The following DCAF8L2 variants were observed in gnomAD, a reference collection of about 807,000 sequenced individuals.
DCAF8L2 encodes the protein DDB1 and CUL4 associated factor 8 like 2, also known as DDB1- and CUL4-associated factor 8-like protein 2.
For missense variants in DCAF8L2, 430 were observed against 490.7 expected (o/e 0.88, Z 1.17); for synonymous variants, 200 against 190.9 (o/e 1.05, Z -0.39).
chrX:27,519,453 CA>C, the DCAF8L2 span: 5 of 1,120,013 alleles, frequency 4.5e-6, no homozygotes, highest in Non-Finnish European at 6.1e-6. Flanking sequence ...TAGAAGAAGC[CA>C]AGAAGAAAAA....
chrX:27,518,382 A>G, the DCAF8L2 span: 2 of 788,384 alleles, frequency 2.5e-6, no homozygotes, highest in African/African-American at 2.0e-5. Context: ...GGAGGATTCT[A>G]TGATGGAAAA....
chrX:27,738,037 A>C (rs1241594127), intron 4 of DCAF8L2, among the ~76,000 whole-genome samples: 1 of 111,696 alleles, frequency 9.0e-6, no homozygotes, highest in East Asian at 2.8e-4. Context: ...CCACCAAGGC[A>C]ATCAGATTAA....
the DCAF8L2 span, among the ~76,000 whole-genome samples, chrX:27,573,327 CAG>C: frequency 2.7e-5 from 3 of 109,157 alleles, no homozygotes; most frequent in Non-Finnish European, 5.7e-5. Flanking sequence ...GTGACAGTGA[CAG>C]GGGACAGTTG....
chrX:27,691,934 G>T (rs1930727458), intron 3 of DCAF8L2, among the ~76,000 whole-genome samples: 1 of 112,025 alleles, frequency 8.9e-6, no homozygotes, highest in Non-Finnish European at 1.9e-5. Flanking sequence ...CAAGGATTTA[G>T]ATTCGAGTTT....
the DCAF8L2 span, among the ~76,000 whole-genome samples, chrX:27,533,942 C>T: frequency 8.9e-6 from 1 of 112,123 alleles, no homozygotes; most frequent in Non-Finnish European, 1.9e-5. Context: ...CACATGGTGG[C>T]TCAGGCCTGT....
the DCAF8L2 span, among the ~76,000 whole-genome samples, chrX:27,573,264 A>T: frequency 9.2e-6 from 1 of 108,398 alleles, no homozygotes; most frequent in Admixed American, 1.0e-4. Flanking sequence ...TCACACACAC[A>T]CACACACACA....
At chrX:27,743,205 G>A (rs1422458536) in intron 4 of DCAF8L2, among the ~76,000 whole-genome samples, 8 of 108,368 alleles carry the variant, frequency 7.4e-5, no homozygotes, top group Non-Finnish European at 1.3e-4. Flanking sequence ...GCTTGTCTCA[G>A]CCTCCCGGGT....
chrX:27,481,749 A>T, the DCAF8L2 span, among the ~76,000 whole-genome samples: 465 of 112,074 alleles, frequency 4.1e-3, 4 homozygotes, highest in Non-Finnish European at 3.8e-3. Context: ...AACTAGAGAA[A>T]GAATGAATTT....
intron 1 of DCAF8L2, among the ~76,000 whole-genome samples, chrX:27,610,200 A>G (rs1218718599): frequency 9.0e-6 from 1 of 111,517 alleles, no homozygotes; most frequent in Non-Finnish European, 1.9e-5. Flanking sequence ...CATACCTACA[A>G]TAAGTATGTA....
At chrX:27,610,325 C>T (rs907985881) in intron 1 of DCAF8L2, among the ~76,000 whole-genome samples, 1 of 110,739 alleles carries the variant, frequency 9.0e-6, no homozygotes, top group Non-Finnish European at 1.9e-5. Context: ...AGTTTGGTGT[C>T]ATAGCAAGTG....
chrX:27,620,266 C>A (rs971321753), intron 1 of DCAF8L2, among the ~76,000 whole-genome samples: 2 of 111,359 alleles, frequency 1.8e-5, no homozygotes, highest in Admixed American at 9.6e-5. Context: ...CTAAAAAATG[C>A]CTTTGAACTT....
rs191007914 is a variant in DCAF8L2 at position 27,708,811 on chromosome X, C to G, written c.-142-7277C>G. ...ATATTCCCAATCTCAAGTAGCATTT[C>G]TTTCTACTACCCATTTACTCTTCCA... On this transcript the variant is annotated intron_variant, in intron 3 of 4. Transcript: ENST00000451261. Among the ~76,000 whole-genome samples the G allele has an allele frequency of 4.8e-3, 544 of 112,770 alleles. 5 individuals carry two copies. Among genetic ancestry groups the G allele is most frequent in the African/African-American group, 0.017 (533 of 31,097 alleles).
chrX:27,615,236 C>A (rs749335670), intron 1 of DCAF8L2, among the ~76,000 whole-genome samples: 1 of 111,682 alleles, frequency 9.0e-6, no homozygotes, highest in East Asian at 2.8e-4. Flanking sequence ...GTAGTCATTG[C>A]AGTTTTTTTG....
chrX:27,734,808 A>G (rs1289462094), intron 4 of DCAF8L2, among the ~76,000 whole-genome samples: 1 of 111,676 alleles, frequency 9.0e-6, no homozygotes, highest in Non-Finnish European at 1.9e-5. Flanking sequence ...AATATCTCTA[A>G]TGAAATTCAC....
chrX:27,488,021 A>G, the DCAF8L2 span, among the ~76,000 whole-genome samples: 12 of 112,151 alleles, frequency 1.1e-4, no homozygotes, highest in Admixed American at 9.5e-5. Flanking sequence ...AAGTTTTTCA[A>G]TTTTTAAATC....
intron 3 of DCAF8L2, among the ~76,000 whole-genome samples, chrX:27,709,062 G>A (rs1231782171): frequency 8.9e-6 from 1 of 112,271 alleles, no homozygotes; most frequent in Non-Finnish European, 1.9e-5. Context: ...TGGGATTACA[G>A]GCATGTGCCA....
chrX:27,622,115 CT>C (rs1228364715), intron 1 of DCAF8L2, among the ~76,000 whole-genome samples: 4 of 111,147 alleles, frequency 3.6e-5, no homozygotes, highest in Non-Finnish European at 5.6e-5. Flanking sequence ...AGAAATTCTA[CT>C]TTTACATCTC....
intron 2 of DCAF8L2, among the ~76,000 whole-genome samples, chrX:27,644,239 A>G (rs775417279): frequency 1.8e-5 from 2 of 112,538 alleles, no homozygotes; most frequent in East Asian, 5.6e-4. Flanking sequence ...CCACACATAT[A>G]CACATATACA....
At chrX:27,715,964 A>G (rs1159222370) in intron 3 of DCAF8L2, 124 bp from the exon 4 acceptor site, 2 of 112,450 alleles carry the variant, frequency 1.8e-5, no homozygotes, top group Non-Finnish European at 3.8e-5. Flanking sequence ...CTTAAACTTA[A>G]ATTTGTTATG....
Sources: gnomAD v4.1 joint callset for allele counts (sites outside exome capture counted in the v4.1 genomes callset) on GRCh38, gnomAD v4.1.1 for gene constraint, MANE v1.5 for transcripts, NCBI Gene and HGNC (gene_info 2026-07-23, HGNC 2026-07-21) for gene names.